Variants in CACNA2D1 observed in about 807,000 individuals in gnomAD.
CACNA2D1 encodes calcium voltage-gated channel auxiliary subunit alpha2delta 1.
CACNA2D1 carries 53 observed loss-of-function variants against 171.5 expected under a neutral mutation model. The observed-to-expected ratio is 0.31, with a 90% CI of 0.25 to 0.39. The LOEUF (loss-of-function observed/expected upper bound fraction) is 0.39. CACNA2D1 is among the 10% of genes least tolerant of loss of function. CACNA2D1 has a pLI of 1.00. For synonymous variants in CACNA2D1, 442 were observed against 443.1 expected, an observed-to-expected ratio of 1.00 and a Z score of 0.03; for missense variants, 903 against 1,299.8, an observed-to-expected ratio of 0.69 and a Z score of 4.69.
intron 37 of CACNA2D1, 152 bp from the exon 38 acceptor site, chr7:81,959,509 A>C (rs1793843816): frequency 2.5e-6 from 2 of 791,150 alleles, no homozygotes; most frequent in Non-Finnish European, 4.3e-6. Flanking sequence ...GGATTTAAAG[A>C]ACTAAATTGT....
rs1483514740 is a variant in CACNA2D1, at chr7:81,949,596, C to CACTACATAACTGTACTGTGAACAAAA, written c.*770_*795dup. ...AGAGCATTTTTAAATATCTGGCTAG[C>CACTACATAACTGTACTGTGAACAAAA]ACTACATAACTGTACTGTGAACAAA... On this transcript the variant is annotated 3_prime_UTR_variant, in exon 39 of 39. Coordinates refer to ENST00000356860, the MANE Select transcript of CACNA2D1 (RefSeq NM_000722.4). 2 of 152,066 alleles carry CACTACATAACTGTACTGTGAACAAAA rather than the reference C, an allele frequency of 1.3e-5. No homozygotes were observed. The highest frequency in any genetic ancestry group is 2.9e-5 in the Non-Finnish European group (2 of 67,980). The allele number at this position is 152,066 out of a possible 1,614,324, so 9.4% of individuals were successfully genotyped here. A position where few individuals can be genotyped will look rare whatever the true frequency, so the allele number is the denominator to read the frequency against.
chr7:82,141,053 A>C (rs139090237), intron 4 of CACNA2D1, among the ~76,000 whole-genome samples: 63 of 152,148 alleles, frequency 4.1e-4, no homozygotes, highest in African/African-American at 5.1e-4. Flanking sequence ...TTCAACTATA[A>C]TTTTGAGAAA....
At chr7:82,412,425 G>A (rs1827772922) in intron 1 of CACNA2D1, among the ~76,000 whole-genome samples, 1 of 151,790 alleles carries the variant, frequency 6.6e-6, no homozygotes, top group Admixed American at 6.6e-5. Context: ...TGAGATTACA[G>A]GCACGGGCCA....
At chr7:82,203,762 A>G (rs1799725642) in intron 3 of CACNA2D1, among the ~76,000 whole-genome samples, 1 of 152,224 alleles carries the variant, frequency 6.6e-6, no homozygotes, top group Non-Finnish European at 1.5e-5. Flanking sequence ...ATTCATTGAC[A>G]GAGAAGCAGT....
intron 1 of CACNA2D1, among the ~76,000 whole-genome samples, chr7:82,401,375 C>A (rs943394082): frequency 6.7e-6 from 1 of 149,666 alleles, no homozygotes; most frequent in African/African-American, 2.5e-5. Context: ...ACTATGCAGC[C>A]ATAAAAAATG....
chr7:82,013,425 A>C, intron 14 of CACNA2D1, 36 bp downstream of exon 14: 2 of 944,788 alleles, frequency 2.1e-6, no homozygotes, highest in South Asian at 4.0e-5. Flanking sequence ...CTTTTACTTG[A>C]AAAAAATAAT....
intron 3 of CACNA2D1, among the ~76,000 whole-genome samples, chr7:82,323,264 TAA>T (rs879405351): frequency 2.8e-5 from 4 of 144,702 alleles, no homozygotes; most frequent in Non-Finnish European, 6.1e-5. Context: ...GCTATGTTGT[TAA>T]AAAAAAAAAA....
At chr7:82,243,578 T>G (rs573487953) in intron 3 of CACNA2D1, among the ~76,000 whole-genome samples, 1 of 152,260 alleles carries the variant, frequency 6.6e-6, no homozygotes, top group Admixed American at 6.5e-5. Flanking sequence ...GCAAACGTGT[T>G]TTTGTTTTGG....
intron 38 of CACNA2D1, among the ~76,000 whole-genome samples, chr7:81,957,050 T>TAAAA (rs1385107583): frequency 6.6e-6 from 1 of 152,124 alleles, no homozygotes; most frequent in African/African-American, 2.4e-5. Context: ...AAAAAGTTAT[T>TAAAA]TAAGTCAGAT....
intron 1 of CACNA2D1, among the ~76,000 whole-genome samples, chr7:82,404,994 T>A (rs1386267344): frequency 6.6e-6 from 1 of 152,244 alleles, no homozygotes; most frequent in Non-Finnish European, 1.5e-5. Context: ...TGAGAGTTAT[T>A]CTCATTGAGC....
intron 3 of CACNA2D1, among the ~76,000 whole-genome samples, chr7:82,227,769 T>C (rs1802511201): frequency 6.6e-6 from 1 of 152,228 alleles, no homozygotes; most frequent in Non-Finnish European, 1.5e-5. Context: ...CTACAGTGAA[T>C]AGTCTATATA....
At chr7:82,202,832 C>A (rs375550272) in intron 3 of CACNA2D1, among the ~76,000 whole-genome samples, 1 of 128,236 alleles carries the variant, frequency 7.8e-6, no homozygotes, top group African/African-American at 3.8e-5. Context: ...GGGGAAAATG[C>A]GCCACCTCAG....
At chr7:82,011,447 C>T (rs1053700187) in intron 15 of CACNA2D1, among the ~76,000 whole-genome samples, 9 of 152,190 alleles carry the variant, frequency 5.9e-5, no homozygotes, top group South Asian at 4.1e-4. Context: ...TCCAAATGAA[C>T]TGTGAGGGGC....
At chr7:82,278,299 C>A (rs1809619661) in intron 3 of CACNA2D1, among the ~76,000 whole-genome samples, 1 of 152,116 alleles carries the variant, frequency 6.6e-6, no homozygotes, top group Non-Finnish European at 1.5e-5. Flanking sequence ...ATCTTCCTGG[C>A]TGGGCGCAGT....
At chr7:82,087,596 AG>A (rs1404620771) in intron 6 of CACNA2D1, among the ~76,000 whole-genome samples, 3 of 151,902 alleles carry the variant, frequency 2.0e-5, no homozygotes, top group African/African-American at 7.3e-5. Context: ...AAATATATAA[AG>A]CATCAAAGCC....
At chr7:82,032,613 T>C (rs1231329321) in intron 12 of CACNA2D1, among the ~76,000 whole-genome samples, 184 bp downstream of exon 12, 1 of 151,866 alleles carries the variant, frequency 6.6e-6, no homozygotes, top group African/African-American at 2.4e-5. Flanking sequence ...GAATATGATA[T>C]AAATATTATA....
At chr7:82,142,500 A>C (rs148879180) in intron 4 of CACNA2D1, among the ~76,000 whole-genome samples, 1 of 152,220 alleles carries the variant, frequency 6.6e-6, no homozygotes, top group Non-Finnish European at 1.5e-5. Context: ...ACACATGCAA[A>C]GCTTCCCCAT....
chr7:82,173,261 C>T (rs774926240), intron 3 of CACNA2D1, among the ~76,000 whole-genome samples: 5 of 151,994 alleles, frequency 3.3e-5, no homozygotes, highest in South Asian at 2.1e-4. Context: ...TAGTCCAAAT[C>T]GGCTTTATTT....
At chr7:82,181,147 G>C (rs1432520942) in intron 3 of CACNA2D1, among the ~76,000 whole-genome samples, 1 of 137,830 alleles carries the variant, frequency 7.3e-6, no homozygotes, top group Non-Finnish European at 1.5e-5. Flanking sequence ...GTTTTAACCA[G>C]GCCGAAAGTA....
Sources: allele counts gnomAD v4.1 joint callset (sites outside exome capture counted in the v4.1 genomes callset), GRCh38; gene constraint gnomAD v4.1.1; transcripts MANE v1.5; gene names NCBI Gene and HGNC (gene_info 2026-07-23, HGNC 2026-07-21).